ALMS1: variants seen among roughly 807,000 people sequenced by gnomAD.
ALMS1 encodes centrosome-associated protein ALMS1.
ALMS1 carries 271 observed loss-of-function variants against 352.2 expected under a neutral mutation model. The ratio of observed to expected loss-of-function variants is 0.77; its 90% CI spans 0.70 to 0.85. The LOEUF (loss-of-function observed/expected upper bound fraction) is 0.85. ALMS1 is among the 40% of genes least tolerant of loss of function. The pLI is 0.00. For synonymous variants in ALMS1, 1,865 were observed against 1,761.2 expected (o/e 1.06, Z -1.48); for missense variants, 5,445 against 4,870.7 (o/e 1.12, Z -3.51).
intron 2 of ALMS1, among the ~76,000 whole-genome samples, chr2:73,418,041 G>T (rs1412964004): frequency 6.6e-6 from 1 of 152,104 alleles, no homozygotes; most frequent in Non-Finnish European, 1.5e-5. Context: ...TTTAGACCTA[G>T]AAATCAAACA....
Position 73,490,956 on chromosome 2 carries a change from T to C in ALMS1, c.8997T>C (p.Asn2999=). ...QGQDCVVEKN[N]QHKPKSHISN... ...AGGATTGTGTAGTGGAAAAGAATAA[T>C]CAACATAAGCCTAAATCACACATTT... is the stretch of plus-strand genomic sequence containing the variant. Residue 2999 remains asparagine, a synonymous_variant, in exon 10 of 23, where the codon AAT becomes AAC. Transcript: ENST00000613296. 1 of 1,614,182 alleles carries C rather than the reference T, an allele frequency of 6.2e-7. No individual in the cohort carries two copies. Among genetic ancestry groups the C allele is most frequent in the Non-Finnish European group, 8.5e-7 (1 of 1,180,020 alleles).
At chr2:73,410,802 T>C (rs1368400090) in intron 2 of ALMS1, among the ~76,000 whole-genome samples, 1 of 150,994 alleles carries the variant, frequency 6.6e-6, no homozygotes, top group Non-Finnish European at 1.5e-5. Context: ...GGAGGAAAAA[T>C]GTTATTAGTG....
chr2:73,474,908 A>G (rs900445640), intron 9 of ALMS1, among the ~76,000 whole-genome samples: 2 of 152,150 alleles, frequency 1.3e-5, no homozygotes, highest in Admixed American at 6.6e-5. Context: ...CTCTCCCCCA[A>G]TTCCCTAGCC....
chr2:73,468,315 A>G (rs985506846), intron 9 of ALMS1, among the ~76,000 whole-genome samples: 6 of 152,008 alleles, frequency 3.9e-5, no homozygotes, highest in Non-Finnish European at 5.9e-5. Context: ...ATAAGACTCT[A>G]TATCCACCTA....
intron 7 of ALMS1, among the ~76,000 whole-genome samples, chr2:73,439,274 C>A (rs7584575): frequency 3.3e-5 from 5 of 151,644 alleles, no homozygotes; most frequent in Non-Finnish European, 5.9e-5. Flanking sequence ...CACTAATATG[C>A]CCAGCTAATC....
chr2:73,388,795 A>AT lies in ALMS1; in HGVS notation c.324+2610dup, dbSNP rs1027969141. The stretch of plus-strand genomic sequence containing the variant: ...TGCTGTGATAAACATATGAGCACAG[A>AT]TTTTTTTCTTTTTTTTTAATGGCGT... On this transcript the variant is annotated intron_variant, in intron 1 of 22. Coordinates refer to ENST00000613296, the MANE Select transcript of ALMS1 (RefSeq NM_001378454.1). 2.8e-4 allele frequency among the ~76,000 whole-genome samples: 42 copies of AT among 151,912 alleles called. 1 individual carries two copies. Among genetic ancestry groups the AT allele is most frequent in the African/African-American group, 1.0e-3 (42 of 41,408 alleles).
In ALMS1 at chr2:73,534,733, A is replaced by G. The variant is rs1196785525; in HGVS notation, c.9782-91A>G. On this transcript the variant is annotated intron_variant, in intron 11 of 22. Transcript: ENST00000613296. ...TACTCATAAATTCCAAAAGTCATGA[A>G]CACTGCCTGAAACATAGAAGGCATT... is the stretch of plus-strand genomic sequence containing the variant. 2.8e-6 allele frequency: 4 copies of G among 1,410,840 alleles called. No homozygotes were observed. In the South Asian group the frequency reaches 3.6e-5, roughly 13 times the overall value. 87.4% of individuals were successfully genotyped at this position (1,410,840 alleles called of 1,614,324 possible). A position where few individuals can be genotyped will look rare whatever the true frequency, so the allele number is the denominator to read the frequency against.
intron 9 of ALMS1, among the ~76,000 whole-genome samples, chr2:73,459,774 C>T (rs555181653): frequency 2.6e-5 from 4 of 152,158 alleles, no homozygotes; most frequent in Non-Finnish European, 4.4e-5. Flanking sequence ...TTTTCACCAA[C>T]CCTAGAGCTG....
intron 9 of ALMS1, among the ~76,000 whole-genome samples, chr2:73,481,035 A>G (rs1284628674): frequency 6.6e-6 from 1 of 150,706 alleles, no homozygotes; most frequent in African/African-American, 2.4e-5. Context: ...TTTCCTGTTC[A>G]CTCTGATGGT....
At chr2:73,560,930 A>G (rs1674646552) in intron 15 of ALMS1, among the ~76,000 whole-genome samples, 2 of 152,216 alleles carry the variant, frequency 1.3e-5, no homozygotes, top group Admixed American at 1.3e-4. Context: ...GGCCCAGCAG[A>G]CTCACGTCCA....
intron 9 of ALMS1, among the ~76,000 whole-genome samples, chr2:73,473,107 G>T (rs1218537205): frequency 6.6e-6 from 1 of 152,040 alleles, no homozygotes; most frequent in African/African-American, 2.4e-5. Flanking sequence ...CCTCAGAGAA[G>T]GCTTGAGAAG....
chr2:73,518,874 C>G (rs552415668), intron 10 of ALMS1, among the ~76,000 whole-genome samples: 1 of 152,258 alleles, frequency 6.6e-6, no homozygotes, highest in East Asian at 1.9e-4. Flanking sequence ...TATAGGTTGT[C>G]TGTTTGCTCT....
At chr2:73,445,882 GTAATATTGT>G (rs1671803415) in intron 7 of ALMS1, among the ~76,000 whole-genome samples, 1 of 152,096 alleles carries the variant, frequency 6.6e-6, no homozygotes, top group Non-Finnish European at 1.5e-5. Context: ...TCAGTATGTA[GTAATATTGT>G]TAACACTCAC....
Position 73,490,890 on chromosome 2 carries a change from T to G in ALMS1, c.8931T>G (p.Asp2977Glu). ...EQCQSKAPGV[D>E]DQMNKHHFPL... ...GCCAAAGCAAAGCGCCAGGTGTAGATGACCAAATGAATAAACACCATTTTC... is the reference window on the plus strand; with the variant it reads ...GCCAAAGCAAAGCGCCAGGTGTAGAGGACCAAATGAATAAACACCATTTTC... The change falls in exon 10 of 23, where the codon GAT (aspartate) becomes GAG (glutamate). Residue 2977 changes from aspartate to glutamate, a missense_variant. Physicochemically the swap from Asp to Glu is conservative, Grantham distance 45. Transcript: ENST00000613296. The G allele has an allele frequency of 2.5e-6, 4 of 1,614,128 alleles. No homozygotes were observed. Among genetic ancestry groups the G allele is most frequent in the Non-Finnish European group, 3.4e-6 (4 of 1,180,036 alleles).
intron 9 of ALMS1, among the ~76,000 whole-genome samples, chr2:73,476,030 A>G (rs906316853): frequency 6.6e-6 from 1 of 152,046 alleles, no homozygotes; most frequent in East Asian, 1.9e-4. Flanking sequence ...CTCTATATCC[A>G]TTAAACAACA....
Position 73,453,401 on chromosome 2 carries a change from A to T in ALMS1, c.6874A>T (p.Ile2292Phe). The T allele has an allele frequency of 8.7e-6, 14 of 1,613,888 alleles. No individual in the cohort carries two copies. The highest frequency in any genetic ancestry group is 1.1e-5 in the Non-Finnish European group (13 of 1,179,954). The change falls in exon 8 of 23, where the codon ATT becomes TTT. Residue 2292 changes from isoleucine to phenylalanine, a missense_variant. Ile to Phe is a conservative substitution (Grantham distance 21). Coordinates refer to ENST00000613296, the MANE Select transcript of ALMS1 (RefSeq NM_001378454.1). Reference sequence around the variant, plus strand: ...TGCCCGTTTCAGAGATATTAGTGATATTTCATTTATACAATCTAAGAAGGT... The same window carrying T: ...TGCCCGTTTCAGAGATATTAGTGATTTTTCATTTATACAATCTAAGAAGGT... ...PLARFRDISD[I>F]SFIQSKKVVC...
At chr2:73,407,569 A>G (rs529856058) in intron 1 of ALMS1, among the ~76,000 whole-genome samples, 14 of 152,180 alleles carry the variant, frequency 9.2e-5, no homozygotes, top group African/African-American at 1.4e-4. Flanking sequence ...ATATTTTCCT[A>G]TGGCTTAAAG....
At chr2:73,531,854 A>C (rs1673922511) in intron 11 of ALMS1, among the ~76,000 whole-genome samples, 1 of 152,242 alleles carries the variant, frequency 6.6e-6, no homozygotes, top group South Asian at 2.1e-4. Flanking sequence ...GGAAACTGCC[A>C]CTTCTAAACC....
intron 1 of ALMS1, among the ~76,000 whole-genome samples, chr2:73,389,656 T>C (rs1021827939): frequency 6.6e-6 from 1 of 152,168 alleles, no homozygotes; most frequent in Non-Finnish European, 1.5e-5. Context: ...ACAGCCAATG[T>C]GAGAAAATTA....
Sources: gnomAD v4.1 joint callset for allele counts (sites outside exome capture counted in the v4.1 genomes callset) on GRCh38, gnomAD v4.1.1 for gene constraint, MANE v1.5 for transcripts, NCBI Gene and HGNC (gene_info 2026-07-23, HGNC 2026-07-21) for gene names.